The following PTPRT variants were observed in gnomAD, a reference collection of about 807,000 sequenced individuals.
The protein encoded by PTPRT is protein tyrosine phosphatase receptor type T, also known as receptor-type tyrosine-protein phosphatase T.
A neutral mutation model predicts 176.8 loss-of-function variants in PTPRT; 56 were observed. The observed-to-expected ratio is 0.32, with a 90% CI of 0.26 to 0.40. The LOEUF (loss-of-function observed/expected upper bound fraction) is 0.40. Among genes scored for constraint, PTPRT ranks in the 10% least tolerant of loss-of-function variants. The probability of loss-of-function intolerance (pLI) is 1.00; values close to 1 mark genes in which losing one functional copy is unlikely to be tolerated. For synonymous variants in PTPRT, 783 were observed against 739.0 expected, an observed-to-expected ratio of 1.06 and a Z score of -0.96; for missense variants, 1,540 against 1,908.2, an observed-to-expected ratio of 0.81 and a Z score of 3.60.
intron 9 of PTPRT, among the ~76,000 whole-genome samples, chr20:42,407,186 C>T (rs2058969166): frequency 6.6e-6 from 1 of 152,150 alleles, no homozygotes. Flanking sequence ...TCTTCCTCTA[C>T]CACTAGATTT....
chr20:42,149,864 C>G (rs1477947447), intron 17 of PTPRT, among the ~76,000 whole-genome samples: 1 of 152,100 alleles, frequency 6.6e-6, no homozygotes, highest in Non-Finnish European at 1.5e-5. Flanking sequence ...GGTACCCGCC[C>G]CAGACTAACT....
intron 9 of PTPRT, among the ~76,000 whole-genome samples, chr20:42,364,205 C>T (rs554273995): frequency 3.3e-5 from 5 of 152,286 alleles, no homozygotes; most frequent in African/African-American, 1.2e-4. Context: ...AGAGGCCCTT[C>T]TAAGGAGAAA....
chr20:42,566,098 C>G (rs1204524692), intron 7 of PTPRT, among the ~76,000 whole-genome samples: 4 of 146,242 alleles, frequency 2.7e-5, no homozygotes, highest in African/African-American at 5.3e-5. Flanking sequence ...TACCCTAAAA[C>G]TTAAAGTATA....
intron 6 of PTPRT, among the ~76,000 whole-genome samples, chr20:42,712,723 G>A (rs1316981693): frequency 6.6e-6 from 1 of 152,180 alleles, no homozygotes; most frequent in African/African-American, 2.4e-5. Context: ...CATCCCCTAT[G>A]GAGAATAATT....
chr20:42,594,944 A>T (rs2073645081), intron 7 of PTPRT, among the ~76,000 whole-genome samples: 1 of 152,142 alleles, frequency 6.6e-6, no homozygotes, highest in Non-Finnish European at 1.5e-5. Context: ...TAAATGTTAG[A>T]TCTCAGGTCT....
At chr20:42,779,232 T>A (rs1239546787) in intron 4 of PTPRT, among the ~76,000 whole-genome samples, 1 of 152,096 alleles carries the variant, frequency 6.6e-6, no homozygotes. Context: ...ATGAGAATAG[T>A]CCCTAAATGC....
chr20:42,367,587 T>G (rs1318717409), intron 9 of PTPRT, among the ~76,000 whole-genome samples: 1 of 152,136 alleles, frequency 6.6e-6, no homozygotes, highest in African/African-American at 2.4e-5. Flanking sequence ...TGATAAGTTC[T>G]CTAGAAAACA....
At chr20:42,529,531 G>A (rs546422000) in intron 7 of PTPRT, among the ~76,000 whole-genome samples, 1 of 151,990 alleles carries the variant, frequency 6.6e-6, no homozygotes, top group East Asian at 1.9e-4. Flanking sequence ...CTGCTGCCCC[G>A]GCTGGAGTAC....
intron 7 of PTPRT, among the ~76,000 whole-genome samples, chr20:42,549,301 TG>T (rs1459884749): frequency 1.3e-5 from 2 of 151,092 alleles, no homozygotes; most frequent in South Asian, 2.1e-4. Context: ...TAGTACTGAT[TG>T]AAAAAAAAAG....
At chr20:42,534,132 T>C (rs1238799379) in intron 7 of PTPRT, among the ~76,000 whole-genome samples, 1 of 152,196 alleles carries the variant, frequency 6.6e-6, no homozygotes, top group Non-Finnish European at 1.5e-5. Flanking sequence ...TTTCTTCCTG[T>C]AGACCAGTGA....
At chr20:42,423,450 A>G (rs546111890) in intron 9 of PTPRT, among the ~76,000 whole-genome samples, 1 of 151,836 alleles carries the variant, frequency 6.6e-6, no homozygotes, top group African/African-American at 2.4e-5. Flanking sequence ...TCTGGCCCCA[A>G]CTCTCTCAGC....
intron 12 of PTPRT, among the ~76,000 whole-genome samples, chr20:42,315,187 A>C (rs1397167419): frequency 9.3e-5 from 1 of 10,796 alleles, no homozygotes; most frequent in East Asian, 1.2e-3. Flanking sequence ...TCCGTCTCAA[A>C]AAAAAAAAAA....
At chr20:42,299,390 T>C (rs2057427810) in intron 12 of PTPRT, among the ~76,000 whole-genome samples, 1 of 152,154 alleles carries the variant, frequency 6.6e-6, no homozygotes, top group Admixed American at 6.5e-5. Flanking sequence ...AACACAACGG[T>C]TTGCATATAT....
At chr20:43,023,121 T>C (rs189880802) in intron 1 of PTPRT, among the ~76,000 whole-genome samples, 17 of 152,164 alleles carry the variant, frequency 1.1e-4, no homozygotes, top group Non-Finnish European at 2.9e-5. Flanking sequence ...GGACCAGAAG[T>C]ATGAATCTGT....
the PTPRT span, among the ~76,000 whole-genome samples, chr20:42,032,533 C>A: frequency 6.6e-6 from 1 of 152,122 alleles, no homozygotes; most frequent in East Asian, 1.9e-4. Context: ...CATGAGATTC[C>A]TTATTGATCA....
chr20:42,163,110 C>G (rs1989678046), intron 16 of PTPRT, among the ~76,000 whole-genome samples: 2 of 152,160 alleles, frequency 1.3e-5, no homozygotes, highest in African/African-American at 4.8e-5. Context: ...CACTTTGCAG[C>G]CTTCTGCCTG....
intron 7 of PTPRT, among the ~76,000 whole-genome samples, chr20:42,667,988 A>G (rs911022982): frequency 1.3e-5 from 2 of 152,312 alleles, no homozygotes; most frequent in East Asian, 1.9e-4. Flanking sequence ...CTATTGGGAT[A>G]GAATTCTGGA....
At chr20:42,098,118 G>C (rs1284757526) in intron 27 of PTPRT, among the ~76,000 whole-genome samples, 1 of 152,198 alleles carries the variant, frequency 6.6e-6, no homozygotes, top group Non-Finnish European at 1.5e-5. Context: ...GGCTCTGCAA[G>C]ATCTGTGTGA....
At chr20:42,111,589 T>TAACA (rs71705583) in intron 22 of PTPRT, among the ~76,000 whole-genome samples, 1 of 151,952 alleles carries the variant, frequency 6.6e-6, no homozygotes, top group Non-Finnish European at 1.5e-5. Context: ...AAATAATAAC[T>TAACA]AACAAACATT....
Sources: allele counts gnomAD v4.1 joint callset (sites outside exome capture counted in the v4.1 genomes callset), GRCh38; gene constraint gnomAD v4.1.1; transcripts MANE v1.5; gene names NCBI Gene and HGNC (gene_info 2026-07-23, HGNC 2026-07-21).